Variants in POC1B observed in about 807,000 individuals in gnomAD.
POC1B encodes the protein POC1 centriolar protein homolog B.
In POC1B, 44 loss-of-function variants were observed where a neutral mutation model predicts 60.6. The observed-to-expected ratio is 0.73, with a 90% CI of 0.57 to 0.93. POC1B has a LOEUF of 0.93. POC1B is among the 40% of genes least tolerant of loss of function. POC1B has a pLI of 0.00. For synonymous variants in POC1B, 180 were observed against 198.9 expected (o/e 0.90, Z 0.80); for missense variants, 555 against 572.3 (o/e 0.97, Z 0.31).
chr12:89,435,600 C>A (rs146577411), intron 10 of POC1B, among the ~76,000 whole-genome samples: 2 of 152,228 alleles, frequency 1.3e-5, no homozygotes, highest in African/African-American at 4.8e-5. Context: ...TATATTTTCA[C>A]GTGTAAAATC....
downstream of POC1B, among the ~76,000 whole-genome samples, chr12:89,416,506 G>C (rs1414213166): frequency 6.6e-6 from 1 of 152,222 alleles, no homozygotes; most frequent in East Asian, 1.9e-4. Context: ...AAAAGGTAAG[G>C]ATTGAGGACA....
intron 4 of POC1B, among the ~76,000 whole-genome samples, chr12:89,486,640 G>A (rs1010428595): frequency 6.6e-6 from 1 of 152,128 alleles, no homozygotes; most frequent in Non-Finnish European, 1.5e-5. Context: ...GAGATGCAGG[G>A]GTGGAGGGTG....
chr12:89,502,649 T>C (rs989160156), intron 2 of POC1B: 1 of 1,331,904 alleles, frequency 7.5e-7, no homozygotes, highest in African/African-American at 1.4e-5. Flanking sequence ...ACAAGATACA[T>C]ATCAATTTTT....
At chr12:89,434,267 T>G (rs1881159615) in intron 10 of POC1B, among the ~76,000 whole-genome samples, 1 of 152,206 alleles carries the variant, frequency 6.6e-6, no homozygotes, top group South Asian at 2.1e-4. Context: ...GAGAGCAAAT[T>G]GGAAATTGCA....
intron 2 of POC1B, among the ~76,000 whole-genome samples, chr12:89,509,000 CAA>C (rs780647133): frequency 5.3e-5 from 8 of 152,202 alleles, no homozygotes; most frequent in Non-Finnish European, 1.2e-4. Flanking sequence ...GATGGAGAGA[CAA>C]GACTATATAA....
chr12:89,437,353 TC>T (rs1021684181), intron 10 of POC1B, among the ~76,000 whole-genome samples: 4 of 152,126 alleles, frequency 2.6e-5, no homozygotes, highest in Non-Finnish European at 5.9e-5. Context: ...TCGAGATCAT[TC>T]ACAATCCATC....
intron 8 of POC1B, 124 bp from the exon 9 acceptor site, chr12:89,467,046 C>A: frequency 1.6e-6 from 1 of 625,838 alleles, no homozygotes. Context: ...TATATTTCAA[C>A]TATGTTACTA....
chr12:89,514,169 C>T (rs549190267), intron 2 of POC1B, among the ~76,000 whole-genome samples: 1 of 151,970 alleles, frequency 6.6e-6, no homozygotes, highest in Non-Finnish European at 1.5e-5. Flanking sequence ...TCCCCCTTGC[C>T]GTTCTCGTGA....
intron 4 of POC1B, among the ~76,000 whole-genome samples, chr12:89,475,102 A>G (rs1441914451): frequency 6.6e-6 from 1 of 152,164 alleles, no homozygotes; most frequent in Non-Finnish European, 1.5e-5. Flanking sequence ...CAAAAAACAT[A>G]ATTTTAGAAA....
chr12:89,497,479 ATAGC>A, intron 2 of POC1B, 137 bp from the exon 3 acceptor site: 2 of 792,680 alleles, frequency 2.5e-6, no homozygotes, highest in East Asian at 2.7e-5. Context: ...TGCCCAGGTA[ATAGC>A]CAAATTACTT....
the POC1B span, among the ~76,000 whole-genome samples, chr12:89,407,335 C>A: frequency 6.6e-6 from 1 of 151,702 alleles, no homozygotes; most frequent in African/African-American, 2.4e-5. Context: ...CGGGTTCAAG[C>A]GATTCTTCTG....
chr12:89,513,682 G>T (rs1157733682), intron 2 of POC1B, among the ~76,000 whole-genome samples: 4 of 152,148 alleles, frequency 2.6e-5, no homozygotes, highest in Non-Finnish European at 5.9e-5. Context: ...CAACCCCCAG[G>T]CTGCGAACTG....
chr12:89,427,565 C>T (rs1193246913), intron 10 of POC1B: 1 of 152,078 alleles, frequency 6.6e-6, no homozygotes, highest in Non-Finnish European at 1.5e-5. Context: ...GACAGGCATG[C>T]TAGTGTGTGC....
chr12:89,439,654 G>C (rs1881427214), intron 10 of POC1B, among the ~76,000 whole-genome samples: 1 of 152,122 alleles, frequency 6.6e-6, no homozygotes, highest in African/African-American at 2.4e-5. Context: ...GCCCAGGCTG[G>C]AGTGAAGTGG....
intron 10 of POC1B, among the ~76,000 whole-genome samples, chr12:89,438,019 C>A (rs1355432950): frequency 6.6e-6 from 1 of 150,526 alleles, no homozygotes; most frequent in East Asian, 2.0e-4. Context: ...CCACTGCACT[C>A]CAGCCTGGGC....
chr12:89,521,500 TGAAAAGA>T (rs1870869904), intron 2 of POC1B: 1 of 152,376 alleles, frequency 6.6e-6, no homozygotes, highest in Non-Finnish European at 1.5e-5. Context: ...ATGTCAAAAG[TGAAAAGA>T]TAAAAAGTAT....
chr12:89,525,501 G>A (rs1330695379), intron 1 of POC1B: 1 of 1,313,568 alleles, frequency 7.6e-7, no homozygotes, highest in Non-Finnish European at 9.7e-7. Flanking sequence ...CCCGGGCCCC[G>A]CCCGCTGGCC....
chr12:89,496,190 T>C (rs1869236242), intron 3 of POC1B, among the ~76,000 whole-genome samples: 1 of 152,116 alleles, frequency 6.6e-6, no homozygotes, highest in African/African-American at 2.4e-5. Flanking sequence ...CATGAGATTC[T>C]CATATGGAGT....
At position 89,459,624 on chromosome 12, in the gene POC1B, A is replaced by AC. The variant is rs781147961; in HGVS notation, c.1113+13_1113+14insG. 118 of 1,398,518 alleles carry AC rather than the reference A, an allele frequency of 8.4e-5. No homozygotes were observed. In the East Asian group the frequency reaches 2.2e-3, roughly 26 times the overall value. The allele number at this position is 1,398,518 out of a possible 1,614,324, so 86.6% of individuals were successfully genotyped here. On this transcript the variant is annotated intron_variant, in intron 10 of 11. Coordinates refer to ENST00000313546, the MANE Select transcript of POC1B (RefSeq NM_172240.3). ...CACTTAAGTGTCAAAAAAAAAAAAA[A>AC]AAACCCGACTTACTGTGGTAGAATC...
Sources: gnomAD v4.1 joint callset for allele counts (sites outside exome capture counted in the v4.1 genomes callset) on GRCh38, gnomAD v4.1.1 for gene constraint, MANE v1.5 for transcripts, NCBI Gene and HGNC (gene_info 2026-07-23, HGNC 2026-07-21) for gene names.